Variants in ZGRF1 observed in about 807,000 individuals in gnomAD.
The protein encoded by ZGRF1 is zinc finger GRF-type containing 1, also known as 5'-3' DNA helicase ZGRF1.
Under a neutral mutation model 203.5 loss-of-function variants are expected in ZGRF1, and 196 were observed. The ratio of observed to expected loss-of-function variants is 0.96; its 90% CI spans 0.86 to 1.08. The LOEUF (loss-of-function observed/expected upper bound fraction) is 1.08, where lower values mean the gene tolerates loss of function less well. Ranked by LOEUF, ZGRF1 falls within the 50% of genes least tolerant of loss-of-function variation. The pLI is 0.00. For missense variants in ZGRF1, 2,326 were observed against 2,416.3 expected (o/e 0.96, Z 0.78); for synonymous variants, 809 against 841.3 (o/e 0.96, Z 0.66).
intron 8 of ZGRF1, among the ~76,000 whole-genome samples, chr4:112,608,898 T>C (rs1368766135): frequency 2.0e-5 from 3 of 152,120 alleles, no homozygotes; most frequent in Non-Finnish European, 4.4e-5. Context: ...GGTAAAGAAT[T>C]TGTTATTTAA....
intron 6 of ZGRF1, among the ~76,000 whole-genome samples, chr4:112,613,822 T>A (rs923784311): frequency 2.0e-5 from 3 of 152,182 alleles, no homozygotes; most frequent in Admixed American, 6.5e-5. Context: ...TCTCCTCTTC[T>A]AAAATCACAA....
intron 9 of ZGRF1, 47 bp downstream of exon 9, chr4:112,605,961 A>G: frequency 8.2e-7 from 1 of 1,222,910 alleles, no homozygotes; most frequent in Non-Finnish European, 1.2e-6. Flanking sequence ...TAAACAGAAA[A>G]GAAAATGTAG....
At chr4:112,602,567 GTA>G (rs945324813) in intron 10 of ZGRF1, among the ~76,000 whole-genome samples, 4 of 152,236 alleles carry the variant, frequency 2.6e-5, no homozygotes, top group African/African-American at 9.6e-5. Flanking sequence ...ACGCATGTGT[GTA>G]TATGTACATG....
Position 112,584,665 on chromosome 4 carries a change from A to T in ZGRF1, c.4102-491T>A, listed in dbSNP as rs538621003. ...ACTATGTCATCAAATAATCTTAAAAAGAAAACAAAGATTTTTAGTGGCTAT... is the reference window on the plus strand; with the variant it reads ...ACTATGTCATCAAATAATCTTAAAATGAAAACAAAGATTTTTAGTGGCTAT... On this transcript the variant is annotated intron_variant, in intron 14 of 27. Transcript: ENST00000505019. Among the ~76,000 whole-genome samples, 5 of 152,344 alleles carry T rather than the reference A, an allele frequency of 3.3e-5. No individual in the cohort carries two copies. In the South Asian group the frequency reaches 8.3e-4, roughly 25 times the overall value.
chr4:112,555,134 CATAT>C (rs1740702057), intron 20 of ZGRF1, among the ~76,000 whole-genome samples: 1 of 152,202 alleles, frequency 6.6e-6, no homozygotes, highest in Non-Finnish European at 1.5e-5. Context: ...AGCCTCTTTA[CATAT>C]GTTATACTGT....
chr4:112,617,873 A>G lies in ZGRF1; in HGVS notation c.2169T>C (p.Asn723=). 3.1e-6 allele frequency: 5 copies of G among 1,614,026 alleles called. No homozygotes were observed. Among genetic ancestry groups the G allele is most frequent in the South Asian group, 1.1e-5 (1 of 91,068 alleles). The change falls in exon 6 of 28, where the codon AAT becomes AAC. Residue 723 remains asparagine, a synonymous_variant. Transcript: ENST00000505019. ...PFILGSDLDK[N]DEHVLPSTSS... Reference sequence around the variant, plus strand: ...AAGTTGAGGGTAAAACATGTTCATCATTTTTGTCTAAGTCACTTCCCAAAA... The same window carrying G: ...AAGTTGAGGGTAAAACATGTTCATCGTTTTTGTCTAAGTCACTTCCCAAAA...
At chr4:112,614,725 G>A (rs1192533053) in intron 6 of ZGRF1, among the ~76,000 whole-genome samples, 2 of 152,150 alleles carry the variant, frequency 1.3e-5, no homozygotes, top group Non-Finnish European at 2.9e-5. Flanking sequence ...TATTTGGGAG[G>A]CTGAAGTAGG....
chr4:112,633,150 A>G lies in ZGRF1; in HGVS notation c.21+6T>C. Reference sequence around the variant, plus strand: ...TCACCAAACTGTGAAAAATGGTAAAACTTACAATAAATTCTTGGCTTTCCA... The same window carrying G: ...TCACCAAACTGTGAAAAATGGTAAAGCTTACAATAAATTCTTGGCTTTCCA... On this transcript the variant is annotated splice_donor_region_variant and intron_variant, in intron 2 of 27. Coordinates refer to ENST00000505019, the MANE Select transcript of ZGRF1 (RefSeq NM_018392.5). The G allele has an allele frequency of 6.2e-7, 1 of 1,609,006 alleles. No individual in the cohort carries two copies.
chr4:112,589,682 T>A (rs758586901), intron 11 of ZGRF1, 42 bp downstream of exon 11: 1 of 1,570,306 alleles, frequency 6.4e-7, no homozygotes, highest in African/African-American at 1.4e-5. Flanking sequence ...AACTTCATCT[T>A]AAATGAATAG....
intron 10 of ZGRF1, among the ~76,000 whole-genome samples, chr4:112,596,656 C>CA (rs949384845): frequency 1.2e-4 from 18 of 151,974 alleles, no homozygotes; most frequent in African/African-American, 3.6e-4. Context: ...GGCACTGGCA[C>CA]AATCTCAGCT....
chr4:112,573,822 T>C (rs1294717236), intron 16 of ZGRF1, among the ~76,000 whole-genome samples: 1 of 152,044 alleles, frequency 6.6e-6, no homozygotes, highest in Non-Finnish European at 1.5e-5. Flanking sequence ...ATATGAAGAA[T>C]ACATAAAGAA....
Position 112,603,552 on chromosome 4 carries a change from C to T in ZGRF1, c.2948G>A (p.Ser983Asn). The T allele has an allele frequency of 6.2e-7, 1 of 1,613,128 alleles. No homozygotes were observed. The highest frequency in any genetic ancestry group is 8.5e-7 in the Non-Finnish European group (1 of 1,179,564). The change falls in exon 10 of 28, where the codon AGC (serine) becomes AAC (asparagine). Residue 983 changes from serine to asparagine, a missense_variant. Ser to Asn is a conservative substitution (Grantham distance 46). Coordinates refer to ENST00000505019, the MANE Select transcript of ZGRF1 (RefSeq NM_018392.5). Reference sequence around the variant, plus strand: ...CAAGAAGTCAATCTGCATACACGTGCTAGGTAACTCTGGTGTCTCTGTCAT... The same window carrying T: ...CAAGAAGTCAATCTGCATACACGTGTTAGGTAACTCTGGTGTCTCTGTCAT... ...NFMTETPELP[S>N]TCMQIDFLQV... is the part of the protein sequence containing the mutation.
chr4:112,634,747 G>C (rs1215982433), intron 1 of ZGRF1, among the ~76,000 whole-genome samples: 1 of 152,162 alleles, frequency 6.6e-6, no homozygotes, highest in Non-Finnish European at 1.5e-5. Flanking sequence ...AGAAAGAATA[G>C]GTAAGGGGTA....
Position 112,618,295 on chromosome 4 carries a change from C to T in ZGRF1, c.1747G>A (p.Glu583Lys), listed in dbSNP as rs2046952592. ...AATGGCAAATGTTCACCCTCAATCT[C>T]TTCACAGTTTGTATTCTCAGACCTC... is the stretch of plus-strand genomic sequence containing the variant. ...QKRSENTNCE[E>K]IEGEHLPFLT... The change falls in exon 6 of 28, where the codon GAG (glutamate) becomes AAG (lysine). Residue 583 changes from glutamate (E) to lysine (K), a missense_variant. Physicochemically the swap from Glu to Lys is moderately conservative, Grantham distance 56. Coordinates refer to ENST00000505019, the MANE Select transcript of ZGRF1 (RefSeq NM_018392.5). 2 of 1,613,856 alleles carry T rather than the reference C, an allele frequency of 1.2e-6. No homozygotes were observed. The highest frequency in any genetic ancestry group is 1.7e-6 in the Non-Finnish European group (2 of 1,179,930).
chr4:112,632,513 CT>C (rs938970300), intron 2 of ZGRF1, among the ~76,000 whole-genome samples: 6 of 152,118 alleles, frequency 3.9e-5, no homozygotes, highest in African/African-American at 1.4e-4. Flanking sequence ...ATCCTCACTC[CT>C]TCAGGGGTGC....
rs117469735 is a variant in ZGRF1, at chr4:112,626,162, G to A, written c.103-2286C>T. On this transcript the variant is annotated intron_variant, in intron 3 of 27. Transcript: ENST00000505019. ...TTTCTTTTGGTGGTGACAAAAATAT[G>A]CCAAATTTAAATTGTGCTAATGGCT... 7.1e-3 allele frequency among the ~76,000 whole-genome samples: 1,088 copies of A among 152,222 alleles called. 33 individuals are homozygous for A. The East Asian group carries it at 0.093, about 13-fold the overall frequency.
chr4:112,568,403 CAT>C (rs1234162387), intron 16 of ZGRF1, among the ~76,000 whole-genome samples: 1 of 152,094 alleles, frequency 6.6e-6, no homozygotes, highest in Non-Finnish European at 1.5e-5. Flanking sequence ...CCACATAACA[CAT>C]AAAGAAATAA....
intron 8 of ZGRF1, among the ~76,000 whole-genome samples, chr4:112,607,001 C>T (rs1029899252): frequency 2.6e-5 from 4 of 152,130 alleles, no homozygotes; most frequent in Non-Finnish European, 5.9e-5. Flanking sequence ...CCCCAACAGA[C>T]CAGAGATAAA....
chr4:112,581,910 A>G, intron 15 of ZGRF1, 108 bp from the exon 16 acceptor site: 2 of 479,004 alleles, frequency 4.2e-6, no homozygotes, highest in Non-Finnish European at 7.0e-6. Context: ...ATGTTTACCT[A>G]GTTTCATACA....
Sources: allele counts gnomAD v4.1 joint callset (sites outside exome capture counted in the v4.1 genomes callset), GRCh38; gene constraint gnomAD v4.1.1; transcripts MANE v1.5; gene names NCBI Gene and HGNC (gene_info 2026-07-23, HGNC 2026-07-21).